The following USP30 variants were observed in gnomAD, a reference collection of about 807,000 sequenced individuals.
USP30 encodes ubiquitin specific peptidase 30, also known as ubiquitin carboxyl-terminal hydrolase 30.
A neutral mutation model predicts 68.2 loss-of-function variants in USP30; 41 were observed. The observed-to-expected ratio is 0.60, with a 90% CI of 0.47 to 0.78. USP30 has a LOEUF of 0.78. Among genes scored for constraint, USP30 ranks in the 30% least tolerant of loss-of-function variants. The pLI is 0.00. For synonymous variants in USP30, 229 were observed against 253.7 expected, an observed-to-expected ratio of 0.90 and a Z score of 0.93; for missense variants, 522 against 649.4, an observed-to-expected ratio of 0.80 and a Z score of 2.13.
chr12:109,056,863 G>A (rs2040893724), intron 2 of USP30, 72 bp downstream of exon 2: 2 of 1,087,560 alleles, frequency 1.8e-6, no homozygotes, highest in African/African-American at 1.6e-5. Context: ...ACAGTACAAA[G>A]AAGGTGGGGA....
intron 2 of USP30, among the ~76,000 whole-genome samples, chr12:109,027,064 C>T (rs2040449843): frequency 6.6e-6 from 1 of 152,146 alleles, no homozygotes; most frequent in South Asian, 2.1e-4. Flanking sequence ...TCAACATATA[C>T]ATTTGGGGTG....
chr12:109,053,465 C>T (rs2040737547), intron 1 of USP30, among the ~76,000 whole-genome samples: 1 of 152,120 alleles, frequency 6.6e-6, no homozygotes, highest in Non-Finnish European at 1.5e-5. Context: ...TCAGGGCCCC[C>T]ATTTCCCTCT....
intron 9 of USP30, 105 bp from the exon 10 acceptor site, chr12:109,082,558 A>C: frequency 9.6e-7 from 1 of 1,044,766 alleles, no homozygotes; most frequent in Non-Finnish European, 1.4e-6. Context: ...AGCAGGTAGC[A>C]GTCAAGTGCC....
chr12:109,052,554 G>GT, upstream of USP30: 2 of 976,844 alleles, frequency 2.0e-6, no homozygotes, highest in African/African-American at 3.4e-5. Flanking sequence ...TGCGGTCTAC[G>GT]TTCCCCCGAG....
At chr12:109,034,198 A>G (rs2040502621) in intron 3 of USP30, among the ~76,000 whole-genome samples, 1 of 152,140 alleles carries the variant, frequency 6.6e-6, no homozygotes, top group Non-Finnish European at 1.5e-5. Context: ...TCAATTTTCT[A>G]ATTTCCCTTG....
At chr12:109,028,876 A>T (rs919537148) in intron 3 of USP30, among the ~76,000 whole-genome samples, 8 of 152,108 alleles carry the variant, frequency 5.3e-5, no homozygotes, top group African/African-American at 1.7e-4. Flanking sequence ...TGATCCAAAC[A>T]CCTCCCACTA....
intron 4 of USP30, among the ~76,000 whole-genome samples, chr12:109,071,268 G>A (rs1003611469): frequency 5.9e-5 from 9 of 152,330 alleles, no homozygotes; most frequent in African/African-American, 1.9e-4. Context: ...GATGATAAAT[G>A]TTATGATATG....
chr12:109,072,128 A>T (rs959972330), intron 5 of USP30, among the ~76,000 whole-genome samples, 177 bp from the exon 6 acceptor site: 6 of 152,202 alleles, frequency 3.9e-5, no homozygotes, highest in Admixed American at 1.3e-4. Flanking sequence ...AAGAATATTC[A>T]TAGTATCCAG....
At chr12:109,029,563 C>T (rs757083674) in intron 3 of USP30, among the ~76,000 whole-genome samples, 14 of 152,160 alleles carry the variant, frequency 9.2e-5, no homozygotes, top group Non-Finnish European at 1.8e-4. Context: ...TACTAGGGCC[C>T]ATTGTATGAG....
At chr12:109,063,835 G>T (rs984124081) in intron 3 of USP30, among the ~76,000 whole-genome samples, 1 of 150,476 alleles carries the variant, frequency 6.6e-6, no homozygotes, top group Non-Finnish European at 1.5e-5. Context: ...CTTTTTGGGA[G>T]AAATGTCTGT....
At position 109,074,361 on chromosome 12, in the gene USP30, A is replaced by G. The variant is rs2041531950; in HGVS notation, c.720+829A>G. Among the ~76,000 whole-genome samples, 3 of 152,208 alleles carry G rather than the reference A, an allele frequency of 2.0e-5. 1 individual carries two copies. The South Asian group carries it at 6.2e-4, about 31-fold the overall frequency. ...TACATACAAGTTTTTGTGTGGACAT[A>G]TATTTTCACTTCAGTTGGGTATATA... On this transcript the variant is annotated intron_variant, in intron 7 of 12. Coordinates refer to ENST00000257548, the MANE Select transcript of USP30 (RefSeq NM_032663.5).
intron 3 of USP30, among the ~76,000 whole-genome samples, chr12:109,040,995 A>G (rs886353992): frequency 2.6e-5 from 4 of 152,172 alleles, no homozygotes; most frequent in African/African-American, 9.7e-5. Context: ...GTGGAGAAAG[A>G]ACCAGATTCT....
chr12:109,043,063 A>C (rs1032855404), intron 3 of USP30, among the ~76,000 whole-genome samples: 17 of 152,214 alleles, frequency 1.1e-4, no homozygotes, highest in African/African-American at 4.1e-4. Flanking sequence ...AGACTTTTAC[A>C]ATGAAAATCA....
chr12:109,027,028 C>T (rs1210427703), intron 2 of USP30, among the ~76,000 whole-genome samples: 1 of 152,176 alleles, frequency 6.6e-6, no homozygotes, highest in African/African-American at 2.4e-5. Context: ...GCCCCATTTC[C>T]AAATACACAT....
intron 3 of USP30, among the ~76,000 whole-genome samples, chr12:109,045,275 G>A (rs1218473500): frequency 2.0e-5 from 3 of 152,108 alleles, no homozygotes; most frequent in Admixed American, 1.3e-4. Context: ...CACTGCGCCC[G>A]CCCAAACATC....
At chr12:109,082,590 C>A in intron 9 of USP30, 73 bp from the exon 10 acceptor site, 1 of 1,456,396 alleles carries the variant, frequency 6.9e-7, no homozygotes, top group South Asian at 1.2e-5. Flanking sequence ...GCTATAACAC[C>A]ACTGTGGTCT....
Position 109,081,981 on chromosome 12 carries a change from G to C in USP30, c.829G>C (p.Glu277Gln). 1.2e-6 allele frequency: 2 copies of C among 1,614,224 alleles called. No individual in the cohort carries two copies. The highest frequency in any genetic ancestry group is 1.1e-5 in the South Asian group (1 of 91,090). Reference sequence around the variant, plus strand: ...CTGCCTTCACCACTTCATCTCATCAGAATCAGTGCGGGATGTTGTGTGTGA... The same window carrying C: ...CTGCCTTCACCACTTCATCTCATCACAATCAGTGCGGGATGTTGTGTGTGA... ...DHCLHHFISS[E>Q]SVRDVVCDNC... Residue 277 changes from glutamate (E) to glutamine (Q), a missense_variant, in exon 9 of 13, where the codon GAA becomes CAA. Coordinates refer to ENST00000257548, the MANE Select transcript of USP30 (RefSeq NM_032663.5).
At chr12:109,079,068 A>G (rs923031245) in intron 7 of USP30, among the ~76,000 whole-genome samples, 4 of 152,004 alleles carry the variant, frequency 2.6e-5, no homozygotes, top group South Asian at 2.1e-4. Flanking sequence ...TTTTCTTAGT[A>G]TTTATCTTAT....
At chr12:109,068,606 A>G (rs1292463670) in intron 4 of USP30, among the ~76,000 whole-genome samples, 1 of 152,246 alleles carries the variant, frequency 6.6e-6, no homozygotes, top group Non-Finnish European at 1.5e-5. Context: ...GGTAACTGGA[A>G]TTATTTATCT....
Sources: allele counts gnomAD v4.1 joint callset (sites outside exome capture counted in the v4.1 genomes callset), GRCh38; gene constraint gnomAD v4.1.1; transcripts MANE v1.5; gene names NCBI Gene and HGNC (gene_info 2026-07-23, HGNC 2026-07-21).